MGA: variants seen among roughly 807,000 people sequenced by gnomAD.
MGA encodes the protein MAX dimerization protein MGA.
A neutral mutation model predicts 261.1 loss-of-function variants in MGA; 40 were observed. The ratio of observed to expected loss-of-function variants is 0.15; its 90% CI spans 0.12 to 0.20. MGA has a LOEUF of 0.20. Ranked by LOEUF, MGA falls within the 10% of genes least tolerant of loss-of-function variation. The pLI is 1.00. For missense variants in MGA, 3,397 were observed against 3,630.5 expected (o/e 0.94, Z 1.65); for synonymous variants, 1,302 against 1,290.6 (o/e 1.01, Z -0.19).
chr15:41,635,277 T>G (rs1271335732), intron 1 of MGA, among the ~76,000 whole-genome samples: 1 of 152,092 alleles, frequency 6.6e-6, no homozygotes, highest in African/African-American at 2.4e-5. Flanking sequence ...GAGGTCACAG[T>G]GAGTCGAGGT....
chr15:41,680,556 C>A (rs977283655), intron 2 of MGA, among the ~76,000 whole-genome samples: 1 of 152,172 alleles, frequency 6.6e-6, no homozygotes, highest in Non-Finnish European at 1.5e-5. Flanking sequence ...GAGATTCTCA[C>A]AATCTCTCTC....
At position 41,710,871 on chromosome 15, in the gene MGA, A is replaced by G. The variant is rs1470320407; in HGVS notation, c.2606A>G (p.Asp869Gly). 1.9e-6 allele frequency: 3 copies of G among 1,613,708 alleles called. No homozygotes were observed. The highest frequency in any genetic ancestry group is 2.5e-6 in the Non-Finnish European group (3 of 1,179,758). ...AGTACCAGTTATGTACGAACACTTG[A>G]TAGTGTACTAAAGAAGCAATCTACT... The change falls in exon 8 of 24, where the codon GAT becomes GGT. Residue 869 changes from aspartate (D) to glycine (G), a missense_variant. Physicochemically the swap from Asp to Gly is moderately conservative, Grantham distance 94. This residue lies in a region of MGA where 519 missense variants were observed against 554.1 expected (regional missense o/e 0.94). Coordinates refer to ENST00000219905, the MANE Select transcript of MGA (RefSeq NM_001164273.2).
chr15:41,711,788 T>C (rs1197035989), intron 8 of MGA, among the ~76,000 whole-genome samples: 1 of 152,144 alleles, frequency 6.6e-6, no homozygotes, highest in Non-Finnish European at 1.5e-5. Flanking sequence ...CTCCGCCTCC[T>C]GGGTTCAAGC....
intron 1 of MGA, among the ~76,000 whole-genome samples, chr15:41,636,146 AT>A (rs1326165925): frequency 1.3e-5 from 2 of 150,724 alleles, no homozygotes; most frequent in Non-Finnish European, 3.0e-5. Context: ...CTTGAGTTTA[AT>A]TTTTTTTTAT....
At chr15:41,664,683 G>C (rs1157165721) in intron 1 of MGA, among the ~76,000 whole-genome samples, 1 of 152,060 alleles carries the variant, frequency 6.6e-6, no homozygotes, top group East Asian at 1.9e-4. Context: ...ATAAAACCTT[G>C]AAGTTTATGA....
rs763040942 is a variant in MGA, at chr15:41,704,437, A to T, written c.2189-3291A>T. On this transcript the variant is annotated intron_variant, in intron 5 of 23. Transcript: ENST00000219905. ...CACTTTGGGAGGCCAAGGCGGGTGG[A>T]TCACAAGGTCAGGAGATCGAGACCA... Among the ~76,000 whole-genome samples the T allele has an allele frequency of 6.2e-4, 94 of 152,318 alleles. 2 individuals are homozygous for T. The highest frequency in any genetic ancestry group is 1.9e-3 in the South Asian group (9 of 4,828).
intron 1 of MGA, among the ~76,000 whole-genome samples, chr15:41,629,015 GC>G (rs1437474987): frequency 6.7e-6 from 1 of 149,960 alleles, no homozygotes; most frequent in Non-Finnish European, 1.5e-5. Flanking sequence ...GGTGGCGGGC[GC>G]CTGTAGTCGC....
intron 11 of MGA, among the ~76,000 whole-genome samples, chr15:41,733,918 C>CT (rs760391925): frequency 2.6e-5 from 2 of 76,186 alleles, no homozygotes; most frequent in Non-Finnish European, 5.7e-5. Flanking sequence ...AATTTTGTTT[C>CT]TTTCTTTTTT....
intron 1 of MGA, among the ~76,000 whole-genome samples, chr15:41,664,348 A>G (rs571182345): frequency 2.4e-4 from 36 of 152,304 alleles, no homozygotes; most frequent in Non-Finnish European, 4.3e-4. Flanking sequence ...TTTTCACCAA[A>G]CTGGGTTTTT....
Position 41,710,973 on chromosome 15 carries a change from G to C in MGA, c.2708G>C (p.Arg903Thr). Residue 903 changes from arginine (R) to threonine (T), a missense_variant, in exon 8 of 24, where the codon AGA (arginine) becomes ACA (threonine). Physicochemically the swap from Arg to Thr is moderately conservative, Grantham distance 71 (BLOSUM62 -1). Coordinates refer to ENST00000219905, the MANE Select transcript of MGA (RefSeq NM_001164273.2). Reference sequence around the variant, plus strand: ...TCTCGAAAGGCAAAGTCTCAAAACAGACAGGCAACTTTCAGTGGCCGAACT... The same window carrying C: ...TCTCGAAAGGCAAAGTCTCAAAACACACAGGCAACTTTCAGTGGCCGAACT... 1 of 1,613,898 alleles carries C rather than the reference G, an allele frequency of 6.2e-7. No individual in the cohort carries two copies. The highest frequency in any genetic ancestry group is 8.5e-7 in the Non-Finnish European group (1 of 1,179,874).
chr15:41,628,928 A>G (rs2056524728), intron 1 of MGA, among the ~76,000 whole-genome samples: 1 of 152,154 alleles, frequency 6.6e-6, no homozygotes, highest in Non-Finnish European at 1.5e-5. Context: ...TCATGAGGTC[A>G]GGAGATCGAG....
At chr15:41,751,315 T>G (rs1209255405) in intron 17 of MGA, 1 of 152,184 alleles carries the variant, frequency 6.6e-6, no homozygotes, top group Non-Finnish European at 1.5e-5. Flanking sequence ...TACAAACGTT[T>G]TCTGTAAAAG....
At chr15:41,670,069 C>A in intron 2 of MGA, 111 bp downstream of exon 2, 1 of 876,848 alleles carries the variant, frequency 1.1e-6, no homozygotes, top group Non-Finnish European at 1.7e-6. Context: ...TAAATGTAAG[C>A]CACTATAAAA....
intron 1 of MGA, among the ~76,000 whole-genome samples, chr15:41,624,296 G>A (rs561348547): frequency 2.0e-5 from 3 of 151,930 alleles, no homozygotes; most frequent in African/African-American, 7.2e-5. Flanking sequence ...CGCCCAGGCT[G>A]GAGTACAGTG....
chr15:41,672,327 G>T (rs926556466), intron 2 of MGA, among the ~76,000 whole-genome samples: 1 of 152,040 alleles, frequency 6.6e-6, no homozygotes, highest in African/African-American at 2.4e-5. Context: ...CTAATTTTTT[G>T]TATTTTTAGT....
intron 2 of MGA, among the ~76,000 whole-genome samples, chr15:41,690,686 C>T (rs367839456): frequency 1.3e-5 from 2 of 152,092 alleles, no homozygotes; most frequent in Admixed American, 1.3e-4. Flanking sequence ...GAAACCCTGT[C>T]TCTACTAAAG....
At chr15:41,696,009 T>C (rs2059536273) in intron 2 of MGA, 66 bp from the exon 3 acceptor site, 2 of 1,143,792 alleles carry the variant, frequency 1.7e-6, no homozygotes, top group Non-Finnish European at 2.5e-6. Context: ...TTTTTTTTTT[T>C]CTCTTCAAGT....
chr15:41,705,059 T>C (rs1295250120), intron 5 of MGA, among the ~76,000 whole-genome samples: 1 of 152,246 alleles, frequency 6.6e-6, no homozygotes, highest in African/African-American at 2.4e-5. Flanking sequence ...ATAATAGGTT[T>C]TTCACAATAT....
chr15:41,686,378 A>G (rs2058969912), intron 2 of MGA, among the ~76,000 whole-genome samples: 1 of 152,156 alleles, frequency 6.6e-6, no homozygotes, highest in African/African-American at 2.4e-5. Flanking sequence ...ACTTAAAAAA[A>G]TAATTAGCTG....
Sources: allele counts gnomAD v4.1 joint callset (sites outside exome capture counted in the v4.1 genomes callset), GRCh38; gene constraint gnomAD v4.1.1; regional missense constraint gnomAD v4.1.1; transcripts MANE v1.5; gene names NCBI Gene and HGNC (gene_info 2026-07-23, HGNC 2026-07-21).